The following MKRN2 variants were observed in gnomAD, a reference collection of about 807,000 sequenced individuals.
The protein encoded by MKRN2 is E3 ubiquitin-protein ligase makorin-2.
Under a neutral mutation model 45.4 loss-of-function variants are expected in MKRN2, and 32 were observed. The observed-to-expected ratio is 0.70, with a 90% CI of 0.53 to 0.95. The LOEUF (loss-of-function observed/expected upper bound fraction) is 0.95, where lower values mean the gene tolerates loss of function less well. MKRN2 is among the 40% of genes least tolerant of loss of function. MKRN2 has a pLI of 0.00. For synonymous variants in MKRN2, 206 were observed against 192.4 expected (o/e 1.07, Z -0.59); for missense variants, 526 against 536.7 (o/e 0.98, Z 0.20).
chr3:12,574,857 AGT>A lies in MKRN2; in HGVS notation c.712_713del (p.Cys238GlnfsTer15), dbSNP rs749928795. On this transcript the variant is annotated frameshift_variant, in exon 5 of 8. Transcript: ENST00000170447. LOFTEE classifies it high-confidence loss of function. ...AFAFQASQDK[V>X]CSICMEVILE... The stretch of plus-strand genomic sequence containing the variant: ...TTGCCTTCCAGGCAAGCCAGGACAA[AGT>A]GTGCAGTATCTGCATGGAAGTGATC... 3.3e-5 allele frequency: 54 copies of A among 1,614,090 alleles called. No individual in the cohort carries two copies. Among genetic ancestry groups the A allele is most frequent in the Non-Finnish European group, 4.6e-5 (54 of 1,180,036 alleles).
intron 6 of MKRN2, among the ~76,000 whole-genome samples, chr3:12,580,566 C>T (rs2058170942): frequency 6.6e-6 from 1 of 152,014 alleles, no homozygotes; most frequent in Non-Finnish European, 1.5e-5. Context: ...AATTCTCCTG[C>T]CTCAGCCTCA....
At chr3:12,582,095 G>T in intron 7 of MKRN2, 21 bp from the exon 8 acceptor site, 1 of 1,614,190 alleles carries the variant, frequency 6.2e-7, no homozygotes, top group Non-Finnish European at 8.5e-7. Context: ...AACCAGGCAT[G>T]TCCACTGGCT....
chr3:12,575,650 A>C (rs951196726), intron 5 of MKRN2, among the ~76,000 whole-genome samples: 3 of 152,194 alleles, frequency 2.0e-5, no homozygotes, highest in Non-Finnish European at 4.4e-5. Context: ...TAATTTGCCT[A>C]AAATCGTGTG....
At chr3:12,579,731 T>C (rs1351099566) in intron 6 of MKRN2, among the ~76,000 whole-genome samples, 1 of 151,532 alleles carries the variant, frequency 6.6e-6, no homozygotes, top group East Asian at 1.9e-4. Flanking sequence ...TTGAAACAGG[T>C]GTGTAGAAGG....
intron 2 of MKRN2, among the ~76,000 whole-genome samples, chr3:12,569,735 A>G (rs1487506532): frequency 6.6e-6 from 1 of 152,114 alleles, no homozygotes; most frequent in East Asian, 1.9e-4. Context: ...CTCCTGCTCA[A>G]AAGAATACTG....
At chr3:12,563,833 C>A (rs2058054671) in intron 1 of MKRN2, among the ~76,000 whole-genome samples, 2 of 20,632 alleles carry the variant, frequency 9.7e-5, no homozygotes, top group South Asian at 1.9e-3. Flanking sequence ...TAGACCACAT[C>A]TTGTTTATGC....
intron 1 of MKRN2, among the ~76,000 whole-genome samples, chr3:12,562,551 C>T (rs2058044635): frequency 6.6e-6 from 1 of 152,152 alleles, no homozygotes; most frequent in Non-Finnish European, 1.5e-5. Flanking sequence ...TGCACAATGT[C>T]TGATCTAGTG....
intron 5 of MKRN2, among the ~76,000 whole-genome samples, chr3:12,575,244 T>C (rs530618396): frequency 6.6e-6 from 1 of 152,312 alleles, no homozygotes; most frequent in Admixed American, 6.5e-5. Context: ...TCAGCAAAGA[T>C]GATCTGTGTA....
At chr3:12,559,595 G>C (rs1022172426) in intron 1 of MKRN2, among the ~76,000 whole-genome samples, 3 of 152,118 alleles carry the variant, frequency 2.0e-5, no homozygotes, top group African/African-American at 7.2e-5. Context: ...CTTATCAAAT[G>C]CTAGGAGTCT....
rs1335996411 is a variant in MKRN2, at chr3:12,582,890, G to A, written c.*637G>A. The A allele has an allele frequency of 1.3e-5, 2 of 152,756 alleles. No individual in the cohort carries two copies. Among genetic ancestry groups the A allele is most frequent in the South Asian group, 2.1e-4 (1 of 4,840 alleles). 9.5% of individuals were successfully genotyped at this position (152,756 alleles called of 1,614,324 possible). A position where few individuals can be genotyped will look rare whatever the true frequency, so the allele number is the denominator to read the frequency against. On this transcript the variant is annotated 3_prime_UTR_variant, in exon 8 of 8. Transcript: ENST00000170447. ...CACATGTGCAGCAAACAAAGTGGAA[G>A]TATAGATCTTCTTCTCCCTTAGGGA... is the stretch of plus-strand genomic sequence containing the variant.
In MKRN2 at chr3:12,568,888, G is replaced by C; in HGVS notation, c.40G>C (p.Gly14Arg). Residue 14 changes from glycine to arginine, a missense_variant, in exon 2 of 8, where the codon GGT becomes CGT. Gly to Arg is a moderately radical substitution (Grantham distance 125). Transcript: ENST00000170447. ...TTGTCTCTGCAGGTATTTTATGCATGGTGTGTGTCGGGAAGGAAGTCAGTG... is the reference window on the plus strand; with the variant it reads ...TTGTCTCTGCAGGTATTTTATGCATCGTGTGTGTCGGGAAGGAAGTCAGTG... ...KQITCRYFMH[G>R]VCREGSQCLF... 1 of 1,613,266 alleles carries C rather than the reference G, an allele frequency of 6.2e-7. No individual in the cohort carries two copies. The highest frequency in any genetic ancestry group is 8.5e-7 in the Non-Finnish European group (1 of 1,179,778).
chr3:12,580,159 G>C (rs2058167794), intron 6 of MKRN2, among the ~76,000 whole-genome samples: 2 of 152,236 alleles, frequency 1.3e-5, no homozygotes, highest in African/African-American at 2.4e-5. Context: ...TTTTGGCCTT[G>C]GTGACCAGAT....
intron 5 of MKRN2, among the ~76,000 whole-genome samples, chr3:12,575,716 G>A (rs1039805494): frequency 6.6e-5 from 10 of 152,172 alleles, no homozygotes; most frequent in South Asian, 2.1e-4. Flanking sequence ...CCACTCATCC[G>A]CTTTCTGTCT....
chr3:12,567,223 T>TA (rs397948087), intron 1 of MKRN2, among the ~76,000 whole-genome samples: 1 of 151,762 alleles, frequency 6.6e-6, no homozygotes, highest in African/African-American at 2.4e-5. Context: ...TTTTTTTTTT[T>TA]AAGCCTTATT....
intron 6 of MKRN2, among the ~76,000 whole-genome samples, chr3:12,580,110 G>A (rs553148390): frequency 1.3e-5 from 2 of 152,232 alleles, no homozygotes; most frequent in African/African-American, 4.8e-5. Context: ...TTGGGTGTGA[G>A]AGCCGAGGAC....
At chr3:12,563,398 A>C (rs1298688795) in intron 1 of MKRN2, among the ~76,000 whole-genome samples, 2 of 148,066 alleles carry the variant, frequency 1.4e-5, no homozygotes, top group African/African-American at 5.0e-5. Flanking sequence ...GTTCACTAGT[A>C]CCCTTTCTCT....
chr3:12,566,592 T>G (rs2058070052), intron 1 of MKRN2, among the ~76,000 whole-genome samples: 1 of 152,120 alleles, frequency 6.6e-6, no homozygotes, highest in Admixed American at 6.6e-5. Flanking sequence ...TCTAGAAGTT[T>G]CATTTGTTTT....
At chr3:12,571,064 G>C (rs2058095452) in intron 3 of MKRN2, among the ~76,000 whole-genome samples, 1 of 151,990 alleles carries the variant, frequency 6.6e-6, no homozygotes, top group East Asian at 1.9e-4. Context: ...CTTAAAACAG[G>C]GTTTGATGAG....
intron 3 of MKRN2, 131 bp from the exon 4 acceptor site, chr3:12,571,938 T>C: frequency 4.9e-6 from 4 of 816,642 alleles, no homozygotes; most frequent in Non-Finnish European, 7.2e-6. Flanking sequence ...CTTCGGTGTG[T>C]TTTTTTTGCC....
Sources: allele counts gnomAD v4.1 joint callset (sites outside exome capture counted in the v4.1 genomes callset), GRCh38; gene constraint gnomAD v4.1.1; transcripts MANE v1.5; gene names NCBI Gene and HGNC (gene_info 2026-07-23, HGNC 2026-07-21).